HDGFL3: variants seen among roughly 807,000 people sequenced by gnomAD.
The protein encoded by HDGFL3 is hepatoma-derived growth factor-related protein 3.
A neutral mutation model predicts 27.6 loss-of-function variants in HDGFL3; 6 were observed. That is an observed-to-expected ratio of 0.22 (90% CI 0.12 to 0.43). The LOEUF (loss-of-function observed/expected upper bound fraction) is 0.43, where lower values mean the gene tolerates loss of function less well. Ranked by LOEUF, HDGFL3 falls within the 20% of genes least tolerant of loss-of-function variation. The pLI is 1.00. For missense variants in HDGFL3, 207 were observed against 250.1 expected, an observed-to-expected ratio of 0.83 and a Z score of 1.16; for synonymous variants, 88 against 88.9, an observed-to-expected ratio of 0.99 and a Z score of 0.05.
chr15:83,178,826 ATTC>A (rs2037346010), intron 1 of HDGFL3, among the ~76,000 whole-genome samples: 1 of 152,160 alleles, frequency 6.6e-6, no homozygotes, highest in Non-Finnish European at 1.5e-5. Flanking sequence ...TCAGTGATTA[ATTC>A]TTCTCTGATA....
In HDGFL3 at chr15:83,207,317, G is replaced by A. The variant is rs2037734930; in HGVS notation, c.84+14C>T. 3 of 1,352,776 alleles carry A rather than the reference G, an allele frequency of 2.2e-6. No homozygotes were observed. The highest frequency in any genetic ancestry group is 3.6e-5 in the Admixed American group (1 of 27,718). 83.8% of individuals were successfully genotyped at this position (1,352,776 alleles called of 1,614,324 possible). A position where few individuals can be genotyped will look rare whatever the true frequency, so the allele number is the denominator to read the frequency against. ...TGGTGGGCGGGCGGGCCCGCGCGCGGCCGCGGTACTCACCCGGGCCGGCCA... is the reference window on the plus strand; with the variant it reads ...TGGTGGGCGGGCGGGCCCGCGCGCGACCGCGGTACTCACCCGGGCCGGCCA... On this transcript the variant is annotated intron_variant, in intron 1 of 5. Transcript: ENST00000299633. The surrounding 1 kb of genome is among the most constrained non-coding windows in gnomAD (Gnocchi z 4.8).
chr15:83,157,410 G>C lies in HDGFL3; in HGVS notation c.459+5C>G, dbSNP rs1251851560. On this transcript the variant is annotated splice_donor_5th_base_variant and intron_variant, in intron 4 of 5. Transcript: ENST00000299633. ...ATTAATAACAATGAGAAGTTTCTTAGTAACCTTTGAAGTATATGACTTTTT... is the reference window on the plus strand; with the variant it reads ...ATTAATAACAATGAGAAGTTTCTTACTAACCTTTGAAGTATATGACTTTTT... 6.2e-7 allele frequency: 1 copy of C among 1,611,178 alleles called. No homozygotes were observed. Among genetic ancestry groups the C allele is most frequent in the African/African-American group, 1.3e-5 (1 of 74,854 alleles).
chr15:83,155,975 T>C (rs1203049041), intron 4 of HDGFL3, among the ~76,000 whole-genome samples: 1 of 152,184 alleles, frequency 6.6e-6, no homozygotes, highest in African/African-American at 2.4e-5. Flanking sequence ...AACCTAGACT[T>C]TCAATTTGTA....
In HDGFL3 at chr15:83,157,529, T is replaced by C; in HGVS notation, c.345A>G (p.Gly115=). 6.2e-7 allele frequency: 1 copy of C among 1,613,912 alleles called. No homozygotes were observed. The highest frequency in any genetic ancestry group is 8.5e-7 in the Non-Finnish European group (1 of 1,179,806). Residue 115 remains glycine (G), a synonymous_variant, in exon 4 of 6, where the codon GGA becomes GGG. Coordinates refer to ENST00000299633, the MANE Select transcript of HDGFL3 (RefSeq NM_016073.4). ...CCTCACTGCTTGCATCTGCAGTATT[T>C]CCACCTTCTCCCTCAGTTTCTGAAG... ...QSSSETEGEG[G]NTADASSEEE...
At chr15:83,173,250 T>C (rs970715582) in intron 1 of HDGFL3, among the ~76,000 whole-genome samples, 4 of 152,208 alleles carry the variant, frequency 2.6e-5, no homozygotes, top group Non-Finnish European at 5.9e-5. Context: ...CTTACAACCA[T>C]TCTATTTCTT....
intron 1 of HDGFL3, among the ~76,000 whole-genome samples, chr15:83,202,476 A>G (rs559393494): frequency 1.5e-4 from 23 of 152,276 alleles, no homozygotes; most frequent in African/African-American, 5.3e-4. Flanking sequence ...AGAATGCTCT[A>G]AAGTAGAAAA....
chr15:83,151,473 G>A lies in HDGFL3; in HGVS notation c.460-112C>T, dbSNP rs577355595. ...CTATCTAGTTTTAGTGGTTGATAGA[G>A]GATATACTGACACAACATGTAGTAT... On this transcript the variant is annotated intron_variant, in intron 4 of 5. Transcript: ENST00000299633. 27 of 840,342 alleles carry A rather than the reference G, an allele frequency of 3.2e-5. No individual in the cohort carries two copies. In the African/African-American group the frequency reaches 4.0e-4, roughly 12 times the overall value. The allele number at this position is 840,342 out of a possible 1,614,324, so 52.1% of individuals were successfully genotyped here.
intron 2 of HDGFL3, among the ~76,000 whole-genome samples, chr15:83,159,792 T>C (rs570699062): frequency 2.0e-5 from 3 of 152,240 alleles, no homozygotes; most frequent in East Asian, 1.9e-4. Flanking sequence ...GAGGTCAGTG[T>C]GGCTAGAGTG....
At chr15:83,162,213 T>C (rs1285620558) in intron 2 of HDGFL3, among the ~76,000 whole-genome samples, 1 of 152,180 alleles carries the variant, frequency 6.6e-6, no homozygotes, top group East Asian at 1.9e-4. Flanking sequence ...CTGACATAAT[T>C]TCTGCCTTCA....
At chr15:83,121,852 G>T in intron 3 of HDGFL3, 2 of 1,093,612 alleles carry the variant, frequency 1.8e-6, no homozygotes, top group East Asian at 4.8e-5. Context: ...TAATATTGAA[G>T]ATCATTTTTT....
At chr15:83,196,718 T>A (rs2037574560) in intron 1 of HDGFL3, among the ~76,000 whole-genome samples, 1 of 151,934 alleles carries the variant, frequency 6.6e-6, no homozygotes, top group Non-Finnish European at 1.5e-5. Context: ...AATTAATGAT[T>A]TAGAGAAAAA....
At chr15:83,122,013 T>C (rs764212098) in intron 3 of HDGFL3, 1 of 1,599,548 alleles carries the variant, frequency 6.3e-7, no homozygotes, top group Admixed American at 1.7e-5. Context: ...GGTAAGAAAC[T>C]TTATCTTAAA....
At chr15:83,139,670 T>C (rs2036728365) in intron 5 of HDGFL3, among the ~76,000 whole-genome samples, 1 of 152,196 alleles carries the variant, frequency 6.6e-6, no homozygotes, top group South Asian at 2.1e-4. Context: ...GTGTAAAATT[T>C]AAAAAGCACT....
At chr15:83,206,096 T>C (rs756325683) in intron 1 of HDGFL3, among the ~76,000 whole-genome samples, 2 of 152,226 alleles carry the variant, frequency 1.3e-5, no homozygotes, top group Non-Finnish European at 2.9e-5. Context: ...CCTGGCCTAG[T>C]GTTCTTTCCA....
chr15:83,157,390 T>C, intron 4 of HDGFL3, 25 bp downstream of exon 4: 3 of 1,599,984 alleles, frequency 1.9e-6, no homozygotes, highest in Non-Finnish European at 2.6e-6. Context: ...ATAACATTAA[T>C]AACAATGAGA....
chr15:83,187,539 T>C (rs2037459495), intron 1 of HDGFL3, among the ~76,000 whole-genome samples: 2 of 152,252 alleles, frequency 1.3e-5, no homozygotes, highest in Non-Finnish European at 2.9e-5. Context: ...ATAATTTATT[T>C]AACCTTTCCC....
chr15:83,148,371 C>T (rs2036924987), intron 5 of HDGFL3, among the ~76,000 whole-genome samples: 1 of 152,080 alleles, frequency 6.6e-6, no homozygotes, highest in South Asian at 2.1e-4. Context: ...CCTGTAATCC[C>T]AGCACTTTGG....
chr15:83,196,986 T>C (rs760716541), intron 1 of HDGFL3, among the ~76,000 whole-genome samples: 4 of 152,256 alleles, frequency 2.6e-5, no homozygotes, highest in Non-Finnish European at 5.9e-5. Context: ...CCCACTCTTG[T>C]TAAGCTGCAC....
At chr15:83,179,779 G>C (rs1035534111) in intron 1 of HDGFL3, 2 of 152,122 alleles carry the variant, frequency 1.3e-5, no homozygotes, top group South Asian at 4.1e-4. Flanking sequence ...TGACATTAGA[G>C]TAATCTCCAT....
Sources: allele counts gnomAD v4.1 joint callset (sites outside exome capture counted in the v4.1 genomes callset), GRCh38; gene constraint gnomAD v4.1.1; non-coding constraint Gnocchi (gnomAD v3.1); transcripts MANE v1.5; gene names NCBI Gene and HGNC (gene_info 2026-07-23, HGNC 2026-07-21).